IGSF21: variants seen among roughly 807,000 people sequenced by gnomAD.
The protein encoded by IGSF21 is immunoglobulin superfamily member 21.
Under a neutral mutation model 46.8 loss-of-function variants are expected in IGSF21, and 28 were observed. That is an observed-to-expected ratio of 0.60 (90% CI 0.44 to 0.82). The LOEUF is 0.82. Ranked by LOEUF, IGSF21 falls within the 40% of genes least tolerant of loss-of-function variation. The pLI, the probability that IGSF21 is intolerant of heterozygous loss-of-function variation, is 0.00. For synonymous variants in IGSF21, 284 were observed against 273.6 expected (o/e 1.04, Z -0.38); for missense variants, 624 against 665.5 (o/e 0.94, Z 0.69).
chr1:18,227,162 T>G (rs1424708754), intron 1 of IGSF21, among the ~76,000 whole-genome samples: 1 of 152,196 alleles, frequency 6.6e-6, no homozygotes, highest in Non-Finnish European at 1.5e-5. Flanking sequence ...ATATCACCAC[T>G]GCCATGGCCA....
intron 1 of IGSF21, among the ~76,000 whole-genome samples, chr1:18,129,217 A>G (rs1378290142): frequency 6.6e-6 from 1 of 152,118 alleles, no homozygotes; most frequent in East Asian, 1.9e-4. Flanking sequence ...CTGGGTCAGG[A>G]AAAGGGGAGA....
At chr1:18,112,694 C>T (rs1162847301) in intron 1 of IGSF21, 1 of 152,384 alleles carries the variant, frequency 6.6e-6, no homozygotes, top group African/African-American at 2.4e-5. Context: ...TGTGTCCAGT[C>T]TCCTGTCTGG....
In IGSF21 at chr1:18,205,150, A is replaced by G. The variant is rs945415812; in HGVS notation, c.71-22748A>G. Among the ~76,000 whole-genome samples the G allele has an allele frequency of 1.4e-4, 15 of 104,948 alleles. 2 individuals are homozygous for G. In the South Asian group the frequency reaches 4.0e-3, roughly 28 times the overall value. 68.8% of individuals were successfully genotyped at this position (104,948 alleles called of 152,430 possible). ...AGAAAGATAAGAAGGGGAGAGAGAG[A>G]GAGAGAGAGAAAGAGAGAGGGAGAG... On this transcript the variant is annotated intron_variant, in intron 1 of 9. Coordinates refer to ENST00000251296, the MANE Select transcript of IGSF21 (RefSeq NM_032880.5).
intron 1 of IGSF21, among the ~76,000 whole-genome samples, chr1:18,184,325 A>G (rs1396232734): frequency 1.3e-5 from 2 of 151,980 alleles, no homozygotes; most frequent in African/African-American, 4.8e-5. Flanking sequence ...CTGCTGGGCC[A>G]AACCACCCTC....
chr1:18,155,744 G>A (rs959085126), intron 1 of IGSF21, among the ~76,000 whole-genome samples: 4 of 152,204 alleles, frequency 2.6e-5, no homozygotes, highest in African/African-American at 7.2e-5. Flanking sequence ...GAGGGGAGCC[G>A]GGAAGGGCTG....
chr1:18,224,449 A>T (rs1386266762), intron 1 of IGSF21, among the ~76,000 whole-genome samples: 1 of 151,780 alleles, frequency 6.6e-6, no homozygotes, highest in Non-Finnish European at 1.5e-5. Context: ...CCCCTCCCCC[A>T]TTGCCTTCTA....
intron 3 of IGSF21, among the ~76,000 whole-genome samples, chr1:18,323,585 C>T (rs1477436140): frequency 7.9e-5 from 12 of 152,112 alleles, no homozygotes; most frequent in Admixed American, 3.9e-4. Flanking sequence ...ATTTAAGAGA[C>T]GTCTATGGCA....
chr1:18,181,832 G>A (rs549415596), intron 1 of IGSF21, among the ~76,000 whole-genome samples: 38 of 152,242 alleles, frequency 2.5e-4, no homozygotes, highest in South Asian at 6.2e-4. Context: ...GTAAGCACAC[G>A]TTCCCATCTT....
At position 18,139,839 on chromosome 1, in the gene IGSF21, C is replaced by T. The variant is rs75136348; in HGVS notation, c.70+31641C>T. On this transcript the variant is annotated intron_variant, in intron 1 of 9. Coordinates refer to ENST00000251296, the MANE Select transcript of IGSF21 (RefSeq NM_032880.5). ...CCTGAGGCAGCATCCCTGGCCAGTG[C>T]ACAGGGCAGGCCAGAAGTGCAGAGA... 5.8e-3 allele frequency among the ~76,000 whole-genome samples: 876 copies of T among 152,344 alleles called. 14 individuals are homozygous for T. The highest frequency in any genetic ancestry group is 0.02 in the African/African-American group (830 of 41,592).
chr1:18,127,578 T>C (rs35411386), intron 1 of IGSF21, among the ~76,000 whole-genome samples: 2,589 of 152,254 alleles, frequency 0.017, 27 homozygotes, highest in East Asian at 0.058. Flanking sequence ...ACAGGGCACG[T>C]GACCGCTTTA....
intron 1 of IGSF21, among the ~76,000 whole-genome samples, chr1:18,181,274 GA>G: frequency 6.6e-6 from 1 of 152,268 alleles, no homozygotes; most frequent in South Asian, 2.1e-4. Flanking sequence ...TAGCTCTGCC[GA>G]ACTCCAAATA....
chr1:18,359,383 A>AAAGAAAGGAAGAAAGG (rs1557659626), intron 4 of IGSF21, among the ~76,000 whole-genome samples: 1 of 61,030 alleles, frequency 1.6e-5, no homozygotes, highest in Non-Finnish European at 3.2e-5. Context: ...AGAAAGAAAG[A>AAAGAAAGGAAGAAAGG]AAGGAAGGAA....
chr1:18,277,805 G>A (rs572824366), intron 2 of IGSF21, among the ~76,000 whole-genome samples: 59 of 152,262 alleles, frequency 3.9e-4, no homozygotes, highest in African/African-American at 1.4e-3. Flanking sequence ...TCGTTGATAC[G>A]AAATTCTAGA....
intron 2 of IGSF21, among the ~76,000 whole-genome samples, chr1:18,254,571 G>A (rs139951508): frequency 1.4e-3 from 217 of 152,238 alleles, no homozygotes; most frequent in African/African-American, 5.0e-3. Flanking sequence ...CTTGTCAGCT[G>A]TCTTCATCCT....
At chr1:18,227,365 C>T (rs2084578422) in intron 1 of IGSF21, among the ~76,000 whole-genome samples, 1 of 151,980 alleles carries the variant, frequency 6.6e-6, no homozygotes, top group Non-Finnish European at 1.5e-5. Context: ...CAGATCCTGG[C>T]TGCGTAGGAT....
At chr1:18,155,849 C>T (rs2086563421) in intron 1 of IGSF21, among the ~76,000 whole-genome samples, 1 of 152,240 alleles carries the variant, frequency 6.6e-6, no homozygotes, top group East Asian at 1.9e-4. Context: ...CGCCATGCTC[C>T]CATCCCTGCG....
intron 1 of IGSF21, among the ~76,000 whole-genome samples, chr1:18,161,934 C>T (rs555545125): frequency 4.2e-4 from 64 of 152,108 alleles, no homozygotes; most frequent in Non-Finnish European, 7.5e-4. Context: ...TTCTCATCTG[C>T]AAAAGGGGAT....
intron 1 of IGSF21, among the ~76,000 whole-genome samples, chr1:18,191,468 T>C (rs1466942130): frequency 2.0e-5 from 3 of 151,666 alleles, no homozygotes; most frequent in African/African-American, 7.3e-5. Flanking sequence ...GAGCAGGAGA[T>C]TATGTGAGGC....
chr1:18,336,786 C>G (rs1181585647), intron 4 of IGSF21, among the ~76,000 whole-genome samples: 1 of 152,146 alleles, frequency 6.6e-6, no homozygotes, highest in East Asian at 1.9e-4. Context: ...ATACCCAAGA[C>G]TGGGCAATTT....
Sources: allele counts gnomAD v4.1 joint callset (sites outside exome capture counted in the v4.1 genomes callset), GRCh38; gene constraint gnomAD v4.1.1; transcripts MANE v1.5; gene names NCBI Gene and HGNC (gene_info 2026-07-23, HGNC 2026-07-21).